The following EPHA10 variants were observed in gnomAD, a reference collection of about 807,000 sequenced individuals.
The protein encoded by EPHA10 is EPH receptor A10.
A neutral mutation model predicts 109.7 loss-of-function variants in EPHA10; 120 were observed. The ratio of observed to expected loss-of-function variants is 1.09; its 90% CI spans 0.94 to 1.27. The LOEUF (loss-of-function observed/expected upper bound fraction) is 1.27. Ranked by LOEUF, EPHA10 falls within the 50% of genes most tolerant of loss-of-function variation. The probability of loss-of-function intolerance (pLI) is 0.00; values close to 1 mark genes in which losing one functional copy is unlikely to be tolerated. For synonymous variants in EPHA10, 640 were observed against 618.9 expected (o/e 1.03, Z -0.51); for missense variants, 1,396 against 1,411.1 (o/e 0.99, Z 0.17).
At chr1:37,749,544 G>A (rs371810146) in intron 5 of EPHA10, among the ~76,000 whole-genome samples, 2 of 151,960 alleles carry the variant, frequency 1.3e-5, no homozygotes, top group African/African-American at 4.8e-5. Flanking sequence ...GTGGTGGTGT[G>A]TGCCTGTAAT....
chr1:37,722,241 C>T (rs529431461), intron 10 of EPHA10: 9 of 242,094 alleles, frequency 3.7e-5, no homozygotes, highest in African/African-American at 2.1e-4. Flanking sequence ...TGGCCTGTCT[C>T]CTCTGTGAAA....
chr1:37,754,448 G>A lies in EPHA10; in HGVS notation c.851-78C>T. The A allele has an allele frequency of 2.5e-6, 3 of 1,216,578 alleles. No individual in the cohort carries two copies. The highest frequency in any genetic ancestry group is 3.1e-6 in the Non-Finnish European group (3 of 965,354). 75.4% of individuals were successfully genotyped at this position (1,216,578 alleles called of 1,614,324 possible). On this transcript the variant is annotated intron_variant, in intron 3 of 16. Transcript: ENST00000373048. This position sits in a 1 kb window ranked among gnomAD's most constrained non-coding sequence, Gnocchi z 4.5. Reference sequence around the variant, plus strand: ...TCCTGACTGGCCTGGTTAGGGCAGCGTTTATCTCCTCCAATTGCGATAGAA... The same window carrying A: ...TCCTGACTGGCCTGGTTAGGGCAGCATTTATCTCCTCCAATTGCGATAGAA...
chr1:37,740,900 G>A (rs1190377467), intron 5 of EPHA10, among the ~76,000 whole-genome samples: 2 of 152,120 alleles, frequency 1.3e-5, no homozygotes, highest in Non-Finnish European at 2.9e-5. Context: ...AAAAAGAGAA[G>A]AGGAAAAGCT....
intron 3 of EPHA10, among the ~76,000 whole-genome samples, chr1:37,756,163 CCCAGGCTGGG>C (rs1646391306): frequency 2.6e-5 from 4 of 152,130 alleles, no homozygotes; most frequent in African/African-American, 9.7e-5. Flanking sequence ...GCAGCAGAGA[CCCAGGCTGGG>C]ACTTGGAAAG....
chr1:37,751,331 G>A (rs1056693421), intron 5 of EPHA10, among the ~76,000 whole-genome samples: 1 of 151,844 alleles, frequency 6.6e-6, no homozygotes, highest in Non-Finnish European at 1.5e-5. Flanking sequence ...CACTTTGGGA[G>A]GCCAAGGCGG....
intron 10 of EPHA10, 65 bp downstream of exon 10, chr1:37,722,976 G>T (rs1203156783): frequency 6.8e-6 from 11 of 1,611,400 alleles, no homozygotes; most frequent in Non-Finnish European, 9.3e-6. Flanking sequence ...ACAGAGTAGG[G>T]GCGGGGCCTA....
chr1:37,723,541 C>T (rs1232837226), intron 8 of EPHA10, among the ~76,000 whole-genome samples, 169 bp from the exon 9 acceptor site: 1 of 152,250 alleles, frequency 6.6e-6, no homozygotes, highest in Non-Finnish European at 1.5e-5. Context: ...TTGACGACCT[C>T]CCCATGGCAC....
intron 8 of EPHA10, among the ~76,000 whole-genome samples, chr1:37,726,173 C>T (rs758421171): frequency 6.6e-6 from 1 of 152,230 alleles, no homozygotes; most frequent in African/African-American, 2.4e-5. Context: ...GGATGAGATG[C>T]TCTCGGCATC....
Position 37,754,387 on chromosome 1 carries a change from G to T in EPHA10, c.851-17C>A. The T allele has an allele frequency of 7.7e-7, 1 of 1,291,708 alleles. No homozygotes were observed. The allele number at this position is 1,291,708 out of a possible 1,614,324, so 80.0% of individuals were successfully genotyped here. A position where few individuals can be genotyped will look rare whatever the true frequency, so the allele number is the denominator to read the frequency against. On this transcript the variant is annotated splice_polypyrimidine_tract_variant and intron_variant, in intron 3 of 16. Transcript: ENST00000373048. This position sits in a 1 kb window ranked among gnomAD's most constrained non-coding sequence, Gnocchi z 4.5. The stretch of plus-strand genomic sequence containing the variant: ...GGGGACAGGCTGCAGGGCATGGCTG[G>T]TGAGAAGAGGGGGCTCCTCCAGTTT...
chr1:37,763,805 G>A (rs561024133), intron 1 of EPHA10, among the ~76,000 whole-genome samples: 36 of 152,228 alleles, frequency 2.4e-4, no homozygotes, highest in African/African-American at 7.9e-4. Flanking sequence ...ACTGACTCCC[G>A]GGCCTCTGAG....
chr1:37,748,049 G>A lies in EPHA10; in HGVS notation c.1357+4827C>T, dbSNP rs569293858. Reference sequence around the variant, plus strand: ...ACAAATTTATAAAACTGATCAAGACGTTACAGTAAAGATTAAAAATATCAA... The same window carrying A: ...ACAAATTTATAAAACTGATCAAGACATTACAGTAAAGATTAAAAATATCAA... On this transcript the variant is annotated intron_variant, in intron 5 of 16. Coordinates refer to ENST00000373048, the MANE Select transcript of EPHA10 (RefSeq NM_001099439.2). Among the ~76,000 whole-genome samples, 157 of 152,192 alleles carry A rather than the reference G, an allele frequency of 1.0e-3. 1 individual carries two copies. Among genetic ancestry groups the A allele is most frequent in the African/African-American group, 3.5e-3 (145 of 41,528 alleles).
chr1:37,753,875 T>C (rs915909359), intron 4 of EPHA10, among the ~76,000 whole-genome samples: 2 of 151,740 alleles, frequency 1.3e-5, no homozygotes, highest in Non-Finnish European at 2.9e-5. Context: ...ACCGAACCGA[T>C]GGTGCGAAGG....
chr1:37,738,422 T>C (rs1200326709), intron 5 of EPHA10, among the ~76,000 whole-genome samples: 4 of 152,134 alleles, frequency 2.6e-5, no homozygotes, highest in African/African-American at 9.7e-5. Flanking sequence ...TTAATATCAT[T>C]AATCATCAGG....
rs967489483 is a variant in EPHA10 at position 37,717,643 on chromosome 1, A to G, written c.*729T>C. The G allele has an allele frequency of 2.6e-5, 6 of 230,988 alleles. No individual in the cohort carries two copies. The highest frequency in any genetic ancestry group is 4.3e-5 in the Non-Finnish European group (5 of 116,736). 14.3% of individuals were successfully genotyped at this position (230,988 alleles called of 1,614,324 possible). On this transcript the variant is annotated 3_prime_UTR_variant, in exon 17 of 17. Transcript: ENST00000373048. The stretch of plus-strand genomic sequence containing the variant: ...TAAAAGGAATGCACACGAGGGCCTC[A>G]TGGGGCCCCAGGGAGCACCAGGGCC...
At chr1:37,722,207 C>T (rs17511136) in intron 10 of EPHA10, 14,438 of 228,816 alleles carry the variant, frequency 0.063, 627 homozygotes, top group Middle Eastern at 0.094. Flanking sequence ...AGTGTGACCT[C>T]GAATTCCATC....
In EPHA10 at chr1:37,735,271, G is replaced by T; in HGVS notation, c.1477C>A (p.Arg493=). The T allele has an allele frequency of 6.4e-7, 1 of 1,566,374 alleles. No individual in the cohort carries two copies. The highest frequency in any genetic ancestry group is 8.7e-7 in the Non-Finnish European group (1 of 1,155,520). ...PGANDTEYEI[R]YYEKGQSEQT... is the part of the protein sequence containing the mutation. ...CACGCACTCACCTTCTCGTAGTATCGGATCTCGTACTCCGTGTCATTGGCC... is the reference window on the plus strand; with the variant it reads ...CACGCACTCACCTTCTCGTAGTATCTGATCTCGTACTCCGTGTCATTGGCC... The change falls in exon 6 of 17, where the codon CGA becomes AGA. Residue 493 remains arginine, a synonymous_variant. Transcript: ENST00000373048.
At chr1:37,725,942 TGGA>T (rs1645884042) in intron 8 of EPHA10, among the ~76,000 whole-genome samples, 1 of 152,192 alleles carries the variant, frequency 6.6e-6, no homozygotes, top group Non-Finnish European at 1.5e-5. Context: ...ACATGCATGC[TGGA>T]GGAGAACACC....
Position 37,718,102 on chromosome 1 carries a change from C to T in EPHA10, c.*270G>A, listed in dbSNP as rs953707320. The T allele has an allele frequency of 2.2e-5, 10 of 463,196 alleles. No individual in the cohort carries two copies. Among genetic ancestry groups the T allele is most frequent in the Admixed American group, 1.6e-4 (4 of 25,442 alleles). 28.7% of individuals were successfully genotyped at this position (463,196 alleles called of 1,614,324 possible). ...CTGCCCCAGCTTTTCTCTGAGACCCCGAATTTCCTCCTGCTGTTATCTCAG... is the reference window on the plus strand; with the variant it reads ...CTGCCCCAGCTTTTCTCTGAGACCCTGAATTTCCTCCTGCTGTTATCTCAG... On this transcript the variant is annotated 3_prime_UTR_variant, in exon 17 of 17. Transcript: ENST00000373048.
At chr1:37,749,953 C>T (rs1646297940) in intron 5 of EPHA10, among the ~76,000 whole-genome samples, 2 of 152,162 alleles carry the variant, frequency 1.3e-5, no homozygotes, top group South Asian at 4.1e-4. Flanking sequence ...CTTTCAGCTC[C>T]GTTATAATCT....
Sources: allele counts gnomAD v4.1 joint callset (sites outside exome capture counted in the v4.1 genomes callset), GRCh38; gene constraint gnomAD v4.1.1; non-coding constraint Gnocchi (gnomAD v3.1); transcripts MANE v1.5; gene names NCBI Gene and HGNC (gene_info 2026-07-23, HGNC 2026-07-21).